The following INPP4B variants were observed in gnomAD, a reference collection of about 807,000 sequenced individuals.
INPP4B encodes the protein inositol polyphosphate 4-phosphatase type II.
A neutral mutation model predicts 122.5 loss-of-function variants in INPP4B; 55 were observed. That is an observed-to-expected ratio of 0.45 (90% CI 0.36 to 0.56). The LOEUF (loss-of-function observed/expected upper bound fraction) is 0.56. INPP4B is among the 20% of genes least tolerant of loss of function. The pLI, the probability that INPP4B is intolerant of heterozygous loss-of-function variation, is 0.00. For synonymous variants in INPP4B, 403 were observed against 388.7 expected, an observed-to-expected ratio of 1.04 and a Z score of -0.43; for missense variants, 1,000 against 1,097.7, an observed-to-expected ratio of 0.91 and a Z score of 1.26.
intron 2 of INPP4B, among the ~76,000 whole-genome samples, chr4:142,617,113 A>C (rs1455336803): frequency 6.6e-6 from 1 of 152,148 alleles, no homozygotes; most frequent in Non-Finnish European, 1.5e-5. Context: ...AATTTAAAAA[A>C]TAAACCCTCT....
intron 7 of INPP4B, among the ~76,000 whole-genome samples, chr4:142,367,114 G>A (rs777348325): frequency 6.2e-4 from 94 of 152,154 alleles, no homozygotes; most frequent in Non-Finnish European, 6.9e-4. Flanking sequence ...AACTGTGGCA[G>A]GAGAGGAAAG....
At chr4:142,103,748 A>T (rs1041074762) in intron 23 of INPP4B, among the ~76,000 whole-genome samples, 2 of 152,010 alleles carry the variant, frequency 1.3e-5, no homozygotes, top group African/African-American at 4.8e-5. Flanking sequence ...ACATAATATT[A>T]TCTCCACCAA....
At chr4:142,602,783 A>C (rs146184624) in intron 2 of INPP4B, among the ~76,000 whole-genome samples, 1 of 152,214 alleles carries the variant, frequency 6.6e-6, no homozygotes, top group Non-Finnish European at 1.5e-5. Context: ...TAGTTCAACC[A>C]TTGTGGAAGA....
intron 4 of INPP4B, among the ~76,000 whole-genome samples, 184 bp downstream of exon 4, chr4:142,430,985 G>A (rs1199467775): frequency 6.6e-6 from 1 of 152,008 alleles, no homozygotes; most frequent in Non-Finnish European, 1.5e-5. Context: ...AAAGATGAGA[G>A]GCATATCATA....
intron 2 of INPP4B, among the ~76,000 whole-genome samples, chr4:142,572,988 G>T (rs1733139317): frequency 6.6e-6 from 1 of 151,764 alleles, no homozygotes; most frequent in Non-Finnish European, 1.5e-5. Flanking sequence ...AACTACCTGA[G>T]ACTGGGTAAT....
chr4:142,362,215 C>T (rs992706178), intron 7 of INPP4B, among the ~76,000 whole-genome samples: 2 of 151,946 alleles, frequency 1.3e-5, no homozygotes, highest in African/African-American at 4.8e-5. Context: ...GAAGGCATCC[C>T]CCAAAAATTC....
chr4:142,289,135 TCAGA>T (rs1455261993), intron 9 of INPP4B, among the ~76,000 whole-genome samples: 2 of 152,190 alleles, frequency 1.3e-5, no homozygotes, highest in African/African-American at 4.8e-5. Context: ...GATGAAAGCA[TCAGA>T]CAGAGACTTT....
chr4:142,219,475 T>A (rs1419350847), intron 12 of INPP4B, among the ~76,000 whole-genome samples: 1 of 152,224 alleles, frequency 6.6e-6, no homozygotes, highest in Non-Finnish European at 1.5e-5. Context: ...TGGCCAGCAT[T>A]TATTTTTTAG....
intron 8 of INPP4B, among the ~76,000 whole-genome samples, chr4:142,314,185 C>T (rs1033861993): frequency 6.6e-6 from 1 of 152,198 alleles, no homozygotes; most frequent in Non-Finnish European, 1.5e-5. Flanking sequence ...CACCCAGTAC[C>T]TTCTTGTTCT....
chr4:142,251,643 C>A (rs1425826387), intron 11 of INPP4B, among the ~76,000 whole-genome samples: 2 of 152,082 alleles, frequency 1.3e-5, no homozygotes, highest in East Asian at 3.9e-4. Flanking sequence ...CTGAGAAACA[C>A]CTGTTCTTCC....
At chr4:142,230,226 C>T (rs751503011) in intron 12 of INPP4B, among the ~76,000 whole-genome samples, 3 of 152,082 alleles carry the variant, frequency 2.0e-5, no homozygotes, top group African/African-American at 7.2e-5. Flanking sequence ...CAAAGAATCA[C>T]AGATGTATAC....
At chr4:142,590,395 A>C (rs1234171893) in intron 2 of INPP4B, among the ~76,000 whole-genome samples, 1 of 152,208 alleles carries the variant, frequency 6.6e-6, no homozygotes, top group Non-Finnish European at 1.5e-5. Context: ...CAACTTTGCA[A>C]ATGTGTTTAG....
At chr4:142,276,147 C>A (rs911951229) in intron 9 of INPP4B, among the ~76,000 whole-genome samples, 2 of 151,842 alleles carry the variant, frequency 1.3e-5, no homozygotes, top group African/African-American at 4.8e-5. Context: ...CCAATAGCAA[C>A]ATTCCAATTA....
chr4:142,275,824 T>C (rs1748121440), intron 9 of INPP4B, among the ~76,000 whole-genome samples: 1 of 151,712 alleles, frequency 6.6e-6, no homozygotes, highest in Non-Finnish European at 1.5e-5. Context: ...CCTTCAGACA[T>C]TCCATCCATC....
intron 25 of INPP4B, among the ~76,000 whole-genome samples, chr4:142,045,605 T>C (rs1415003546): frequency 1.3e-5 from 2 of 152,244 alleles, no homozygotes; most frequent in East Asian, 3.9e-4. Flanking sequence ...TGTGAATCTT[T>C]ATTAATCTCT....
chr4:142,771,465 T>C (rs992157656), intron 1 of INPP4B, among the ~76,000 whole-genome samples: 1 of 152,092 alleles, frequency 6.6e-6, no homozygotes. Flanking sequence ...GCTCTGAATG[T>C]AGTTCAGGAA....
intron 25 of INPP4B, among the ~76,000 whole-genome samples, chr4:142,068,059 A>T (rs187298137): frequency 6.9e-4 from 105 of 152,342 alleles, no homozygotes; most frequent in African/African-American, 2.4e-3. Flanking sequence ...AGGAAGGAAA[A>T]AAAGTTAAGG....
At chr4:142,844,779 C>A (rs1194505670) in intron 1 of INPP4B, among the ~76,000 whole-genome samples, 6 of 152,192 alleles carry the variant, frequency 3.9e-5, no homozygotes, top group African/African-American at 1.2e-4. Context: ...AGATTACTAC[C>A]ATTTCTGGTC....
chr4:142,731,323 C>A (rs562698245), intron 1 of INPP4B, among the ~76,000 whole-genome samples: 5 of 152,098 alleles, frequency 3.3e-5, no homozygotes, highest in Non-Finnish European at 5.9e-5. Flanking sequence ...TAAATGCAAT[C>A]CTTTTGCATT....
Sources: gnomAD v4.1 joint callset for allele counts (sites outside exome capture counted in the v4.1 genomes callset) on GRCh38, gnomAD v4.1.1 for gene constraint, MANE v1.5 for transcripts, NCBI Gene and HGNC (gene_info 2026-07-23, HGNC 2026-07-21) for gene names.